Variants in ADAMTSL1 observed in about 807,000 individuals in gnomAD.
ADAMTSL1 encodes ADAMTS like 1.
In ADAMTSL1, 126 loss-of-function variants were observed where a neutral mutation model predicts 201.8. That is an observed-to-expected ratio of 0.62 (90% CI 0.54 to 0.72). The LOEUF (loss-of-function observed/expected upper bound fraction) is 0.72. Among genes scored for constraint, ADAMTSL1 ranks in the 30% least tolerant of loss-of-function variants. ADAMTSL1 has a pLI of 0.00. For synonymous variants in ADAMTSL1, 1,121 were observed against 903.4 expected, an observed-to-expected ratio of 1.24 and a Z score of -4.32; for missense variants, 2,679 against 2,277.8, an observed-to-expected ratio of 1.18 and a Z score of -3.59.
chr9:18,304,648 C>CT (rs77501277), intron 2 of ADAMTSL1, among the ~76,000 whole-genome samples: 1,749 of 142,626 alleles, frequency 0.012, 36 homozygotes, highest in Admixed American at 0.059. Context: ...AGGGCCTAAA[C>CT]TTTTTTTTTT....
intron 24 of ADAMTSL1, 23 bp from the exon 25 acceptor site, chr9:18,889,543 TAC>T: frequency 1.9e-6 from 3 of 1,611,704 alleles, no homozygotes; most frequent in Non-Finnish European, 1.7e-6. Context: ...TATTCTTTTC[TAC>T]ACTGCTCCTC....
rs1162403336 is a variant in ADAMTSL1 at position 18,399,328 on chromosome 9, T to C, written c.208-105501T>C. ...ATATATATATATATATATATATATA[T>C]AAAATTATTATTTTCTTTTTTTCTT... On this transcript the variant is annotated intron_variant, in intron 2 of 29. Coordinates refer to the ADAMTSL1 transcript ENST00000680146. 1.1e-3 allele frequency among the ~76,000 whole-genome samples: 116 copies of C among 107,698 alleles called. 1 individual carries two copies. The highest frequency in any genetic ancestry group is 1.8e-3 in the Non-Finnish European group (94 of 51,206). The allele number at this position is 107,698 out of a possible 152,430, so 70.7% of individuals were successfully genotyped here. A position where few individuals can be genotyped will look rare whatever the true frequency, so the allele number is the denominator to read the frequency against.
intron 1 of ADAMTSL1, among the ~76,000 whole-genome samples, chr9:17,929,050 G>T (rs1341955957): frequency 1.3e-5 from 2 of 151,924 alleles, no homozygotes; most frequent in African/African-American, 4.8e-5. Context: ...GGAAAGGCTT[G>T]GATTACATGA....
At chr9:18,798,045 A>T (rs554694054) in intron 20 of ADAMTSL1, among the ~76,000 whole-genome samples, 1 of 152,170 alleles carries the variant, frequency 6.6e-6, no homozygotes, top group South Asian at 2.1e-4. Flanking sequence ...GTTTTTATGG[A>T]AACTGCAGGG....
intron 23 of ADAMTSL1, among the ~76,000 whole-genome samples, chr9:18,847,290 C>G (rs7873628): frequency 6.6e-6 from 1 of 151,884 alleles, no homozygotes; most frequent in East Asian, 1.9e-4. Flanking sequence ...ACTGCTCAAG[C>G]TCAGCCTCAA....
At chr9:17,929,051 G>A (rs1588431398) in intron 1 of ADAMTSL1, among the ~76,000 whole-genome samples, 1 of 152,148 alleles carries the variant, frequency 6.6e-6, no homozygotes, top group East Asian at 1.9e-4. Flanking sequence ...GAAAGGCTTG[G>A]ATTACATGAT....
intron 4 of ADAMTSL1, among the ~76,000 whole-genome samples, chr9:18,596,232 C>T (rs756670551): frequency 1.3e-5 from 2 of 152,120 alleles, no homozygotes; most frequent in Non-Finnish European, 2.9e-5. Context: ...AAGTGTTATA[C>T]CATCATGTCT....
intron 2 of ADAMTSL1, among the ~76,000 whole-genome samples, chr9:18,316,040 C>T (rs1834379817): frequency 6.6e-6 from 1 of 152,148 alleles, no homozygotes; most frequent in Non-Finnish European, 1.5e-5. Flanking sequence ...GGGGAGACAT[C>T]ACATGTCGGT....
chr9:18,865,475 A>T (rs1452015809), intron 23 of ADAMTSL1, among the ~76,000 whole-genome samples: 1 of 152,176 alleles, frequency 6.6e-6, no homozygotes. Context: ...AGTCTTTGCT[A>T]TTGTGAATAG....
At chr9:18,335,387 C>CTATATTTACCAGG (rs1835192108) in intron 2 of ADAMTSL1, among the ~76,000 whole-genome samples, 5 of 151,958 alleles carry the variant, frequency 3.3e-5, no homozygotes, top group Admixed American at 1.3e-4. Context: ...GTTTTGAACT[C>CTATATTTACCAGG]CTGGTTCTAT....
At chr9:18,149,187 A>G (rs1324626732) in intron 1 of ADAMTSL1, among the ~76,000 whole-genome samples, 2 of 152,048 alleles carry the variant, frequency 1.3e-5, no homozygotes, top group Non-Finnish European at 1.5e-5. Context: ...TGAGCTCGTC[A>G]TCGGGCAAGG....
At chr9:18,453,837 A>G (rs1820506133) in intron 2 of ADAMTSL1, among the ~76,000 whole-genome samples, 1 of 152,168 alleles carries the variant, frequency 6.6e-6, no homozygotes, top group Non-Finnish European at 1.5e-5. Context: ...GTGCTATTAG[A>G]AGCAGAGTCC....
At chr9:18,364,776 A>G (rs1836694451) in intron 2 of ADAMTSL1, among the ~76,000 whole-genome samples, 1 of 152,096 alleles carries the variant, frequency 6.6e-6, no homozygotes, top group African/African-American at 2.4e-5. Context: ...GAAAGTTACA[A>G]TCATGGGGGA....
At chr9:18,358,547 C>A (rs556444152) in intron 2 of ADAMTSL1, among the ~76,000 whole-genome samples, 2 of 152,170 alleles carry the variant, frequency 1.3e-5, no homozygotes, top group Non-Finnish European at 2.9e-5. Context: ...CAACCCTTAT[C>A]CCCTGGAAAT....
At chr9:18,205,337 T>C (rs1829604135) in intron 2 of ADAMTSL1, among the ~76,000 whole-genome samples, 2 of 152,088 alleles carry the variant, frequency 1.3e-5, no homozygotes, top group South Asian at 4.1e-4. Context: ...AAAATGAAAA[T>C]ACACAATAAC....
intron 2 of ADAMTSL1, among the ~76,000 whole-genome samples, chr9:18,448,947 A>G (rs1181244039): frequency 6.6e-6 from 1 of 152,116 alleles, no homozygotes; most frequent in Admixed American, 6.5e-5. Flanking sequence ...TAGCACAAAT[A>G]ATATAAATTT....
chr9:18,776,728 T>G, intron 18 of ADAMTSL1, 53 bp from the exon 19 acceptor site: 1 of 1,483,520 alleles, frequency 6.7e-7, no homozygotes, highest in Admixed American at 2.3e-5. Flanking sequence ...TCACTCTGGG[T>G]TTTCTCTCTC....
intron 4 of ADAMTSL1, among the ~76,000 whole-genome samples, chr9:18,604,724 C>T (rs1824899025): frequency 6.6e-6 from 1 of 152,190 alleles, no homozygotes; most frequent in Non-Finnish European, 1.5e-5. Flanking sequence ...AACATAGGCA[C>T]ACAAGTGTAT....
intron 4 of ADAMTSL1, among the ~76,000 whole-genome samples, chr9:18,620,015 ATTTTTT>A (rs35177614): frequency 0.12 from 12,289 of 101,242 alleles, 595 homozygotes; most frequent in Middle Eastern, 0.22. Flanking sequence ...CAGTTTTCTG[ATTTTTT>A]TTTTTTTTTT....
Sources: gnomAD v4.1 joint callset for allele counts (sites outside exome capture counted in the v4.1 genomes callset) on GRCh38, gnomAD v4.1.1 for gene constraint, MANE v1.5 for transcripts, NCBI Gene and HGNC (gene_info 2026-07-23, HGNC 2026-07-21) for gene names.